CNKSR2: variants seen among roughly 807,000 people sequenced by gnomAD.
The protein encoded by CNKSR2 is CNK homolog protein 2.
Under a neutral mutation model 84.4 loss-of-function variants are expected in CNKSR2, and 14 were observed. The ratio of observed to expected loss-of-function variants is 0.17; its 90% confidence interval spans 0.11 to 0.26. The LOEUF (loss-of-function observed/expected upper bound fraction) is 0.26. CNKSR2 is among the 10% of genes least tolerant of loss of function. The pLI, the probability that CNKSR2 is intolerant of heterozygous loss-of-function variation, is 1.00. For synonymous variants in CNKSR2, 275 were observed against 277.9 expected (o/e 0.99, Z 0.10); for missense variants, 485 against 771.2 (o/e 0.63, Z 4.40).
chrX:21,393,104 T>TA (rs1432475954), intron 1 of CNKSR2, among the ~76,000 whole-genome samples: 2 of 112,423 alleles, frequency 1.8e-5, no homozygotes, highest in Non-Finnish European at 3.8e-5. Context: ...AATTTCAACT[T>TA]ACTTGATTCT....
chrX:21,484,337 C>A (rs188221937), intron 5 of CNKSR2, among the ~76,000 whole-genome samples: 8 of 111,571 alleles, frequency 7.2e-5, no homozygotes, highest in African/African-American at 2.6e-4. Flanking sequence ...AAAACCCATA[C>A]TTTATTCTTT....
intron 20 of CNKSR2, among the ~76,000 whole-genome samples, chrX:21,615,723 G>A (rs1001532184): frequency 5.4e-5 from 6 of 111,504 alleles, no homozygotes; most frequent in African/African-American, 2.0e-4. Context: ...TTAAGGCAAA[G>A]CGGGCAATTA....
intron 20 of CNKSR2, among the ~76,000 whole-genome samples, chrX:21,639,551 A>G (rs1461898860): frequency 1.8e-5 from 2 of 112,017 alleles, no homozygotes; most frequent in Non-Finnish European, 3.8e-5. Flanking sequence ...TTTTGCCATA[A>G]TCTCAGTAGA....
rs368989453 is a variant in CNKSR2, at chrX:21,475,099, A to G, written c.561+4292A>G. 4.5e-5 allele frequency among the ~76,000 whole-genome samples: 5 copies of G among 112,172 alleles called. No individual in the cohort carries two copies. The South Asian group carries it at 1.5e-3, about 33-fold the overall frequency. On this transcript the variant is annotated intron_variant, in intron 5 of 21. Transcript: ENST00000379510. The stretch of plus-strand genomic sequence containing the variant: ...AAATGAGTATTTTATTGTTAGATAC[A>G]ATGAATTAGATCTACTACTTGATAG...
intron 4 of CNKSR2, among the ~76,000 whole-genome samples, chrX:21,458,732 A>AT (rs2091023871): frequency 9.1e-6 from 1 of 110,042 alleles, no homozygotes; most frequent in South Asian, 3.9e-4. Context: ...CCCATTAGTT[A>AT]TTTTTTCTTT....
intron 4 of CNKSR2, chrX:21,441,478 AAATG>A (rs1196685418): frequency 8.9e-6 from 1 of 111,911 alleles, no homozygotes; most frequent in Non-Finnish European, 1.9e-5. Flanking sequence ...TCTATTTTCC[AAATG>A]AATTTTTATT....
At chrX:21,533,731 T>C (rs887067721) in intron 11 of CNKSR2, among the ~76,000 whole-genome samples, 4 of 111,182 alleles carry the variant, frequency 3.6e-5, no homozygotes, top group Non-Finnish European at 7.6e-5. Context: ...AAAAGAAATA[T>C]GTACATACTT....
chrX:21,402,695 T>A (rs1483869715), intron 1 of CNKSR2, among the ~76,000 whole-genome samples: 1 of 111,300 alleles, frequency 9.0e-6, no homozygotes, highest in Non-Finnish European at 1.9e-5. Context: ...AGGACATAAT[T>A]CTTAAATTGA....
At chrX:21,648,327 T>C (rs1002506213) in intron 20 of CNKSR2, among the ~76,000 whole-genome samples, 1 of 111,878 alleles carries the variant, frequency 8.9e-6, no homozygotes, top group African/African-American at 3.2e-5. Context: ...TTCAATCTTA[T>C]GAAATCTGGA....
intron 9 of CNKSR2, among the ~76,000 whole-genome samples, chrX:21,519,617 A>G (rs2091762431): frequency 9.0e-6 from 1 of 111,307 alleles, no homozygotes; most frequent in South Asian, 3.7e-4. Flanking sequence ...AACTTGAAAA[A>G]ATGGAAATGA....
chrX:21,496,945 T>A (rs1315248596), intron 6 of CNKSR2, among the ~76,000 whole-genome samples: 1 of 111,301 alleles, frequency 9.0e-6, no homozygotes, highest in African/African-American at 3.3e-5. Flanking sequence ...ATTAACTGAA[T>A]CATCTAGTTT....
intron 1 of CNKSR2, among the ~76,000 whole-genome samples, chrX:21,392,102 C>T (rs766958797): frequency 5.4e-5 from 6 of 111,868 alleles, no homozygotes; most frequent in Non-Finnish European, 7.5e-5. Context: ...TCAGCCTGGA[C>T]TTGACTGTCC....
intron 20 of CNKSR2, chrX:21,641,526 A>T: frequency 8.5e-7 from 1 of 1,176,273 alleles, no homozygotes; most frequent in Non-Finnish European, 1.1e-6. Flanking sequence ...CTGCTTTATC[A>T]TATTAGGCTA....
chrX:21,603,319 A>G (rs992851778), intron 18 of CNKSR2, among the ~76,000 whole-genome samples: 1 of 112,376 alleles, frequency 8.9e-6, no homozygotes, highest in Non-Finnish European at 1.9e-5. Flanking sequence ...CTGAATGATT[A>G]GGTTGCATGG....
At chrX:21,576,165 T>C (rs755325494) in intron 13 of CNKSR2, among the ~76,000 whole-genome samples, 2 of 112,383 alleles carry the variant, frequency 1.8e-5, no homozygotes, top group South Asian at 7.4e-4. Flanking sequence ...GAATAGAAGT[T>C]ATCTTCAGTC....
At chrX:21,429,959 T>C (rs1055216096) in intron 2 of CNKSR2, among the ~76,000 whole-genome samples, 12 of 112,012 alleles carry the variant, frequency 1.1e-4, no homozygotes, top group Non-Finnish European at 2.3e-4. Context: ...TCAATTAATC[T>C]CTTTTGTTAA....
chrX:21,575,198 T>C (rs903471168), intron 13 of CNKSR2, among the ~76,000 whole-genome samples: 5 of 111,830 alleles, frequency 4.5e-5, no homozygotes, highest in African/African-American at 1.6e-4. Context: ...CAATATTGGC[T>C]TTACTTGGTT....
intron 17 of CNKSR2, among the ~76,000 whole-genome samples, chrX:21,599,039 A>C (rs2092465755): frequency 8.9e-6 from 1 of 112,988 alleles, no homozygotes; most frequent in Non-Finnish European, 1.9e-5. Flanking sequence ...GTATATCCAC[A>C]CACTTTCTAA....
At chrX:21,614,086 T>C (rs186074767) in intron 20 of CNKSR2, among the ~76,000 whole-genome samples, 15 of 111,703 alleles carry the variant, frequency 1.3e-4, no homozygotes, top group Non-Finnish European at 1.1e-4. Context: ...AATATGCCAC[T>C]CAGTAGCCTA....
Sources: gnomAD v4.1 joint callset for allele counts (sites outside exome capture counted in the v4.1 genomes callset) on GRCh38, gnomAD v4.1.1 for gene constraint, MANE v1.5 for transcripts, NCBI Gene and HGNC (gene_info 2026-07-23, HGNC 2026-07-21) for gene names.